Variants in NR3C1 observed in about 807,000 individuals in gnomAD.
The protein encoded by NR3C1 is glucocorticoid receptor.
In NR3C1, 14 loss-of-function variants were observed where a neutral mutation model predicts 74.0. The ratio of observed to expected loss-of-function variants is 0.19; its 90% CI spans 0.12 to 0.30. The LOEUF is 0.30. NR3C1 is among the 10% of genes least tolerant of loss of function. The pLI is 1.00. For missense variants in NR3C1, 695 were observed against 909.8 expected (o/e 0.76, Z 3.04); for synonymous variants, 308 against 332.5 (o/e 0.93, Z 0.80).
rs1397993996 is a variant in NR3C1, at chr5:143,400,471, T to A, written c.369A>T (p.Glu123Asp). The A allele has an allele frequency of 2.5e-6, 4 of 1,614,220 alleles. No homozygotes were observed. In the South Asian group the frequency reaches 4.4e-5, roughly 18 times the overall value. Residue 123 changes from glutamate to aspartate, a missense_variant, in exon 2 of 9, where the codon GAA becomes GAT. This residue lies in a region of NR3C1 where 497 missense variants were observed against 489.5 expected (regional missense o/e 1.02). Transcript: ENST00000394464. ...ACCTATTGAGGTTTGCAATGCTTTCTTCCAAAAGCTTTAAGTCTGTTTCCC... is the reference window on the plus strand; with the variant it reads ...ACCTATTGAGGTTTGCAATGCTTTCATCCAAAAGCTTTAAGTCTGTTTCCC... The part of the protein sequence containing the change: ...SSGETDLKLL[E>D]ESIANLNRST...
chr5:143,316,525 C>T (rs937622873), intron 2 of NR3C1, among the ~76,000 whole-genome samples: 7 of 152,130 alleles, frequency 4.6e-5, no homozygotes, highest in Admixed American at 4.6e-4. Flanking sequence ...CATCATCACC[C>T]CTGGATGCGG....
chr5:143,330,216 A>G (rs1405612367), intron 2 of NR3C1, among the ~76,000 whole-genome samples: 2 of 152,208 alleles, frequency 1.3e-5, no homozygotes, highest in Non-Finnish European at 2.9e-5. Flanking sequence ...ATTTAAAGCA[A>G]GTGATGATGT....
intron 3 of NR3C1, 58 bp from the exon 4 acceptor site, chr5:143,310,271 G>C (rs1376712298): frequency 1.7e-6 from 2 of 1,200,002 alleles, no homozygotes; most frequent in East Asian, 4.7e-5. Context: ...TATTTTATAA[G>C]GACAGCCTCT....
Position 143,279,358 on chromosome 5 carries a change from T to C in NR3C1, c.*2531A>G, listed in dbSNP as rs906336864. On this transcript the variant is annotated 3_prime_UTR_variant, in exon 9 of 9. Transcript: ENST00000394464. Reference sequence around the variant, plus strand: ...TTTTTGAGCGCCAAGATTGTTGGGATGAAAATCAGATTAATGTGTGAGATG... The same window carrying C: ...TTTTTGAGCGCCAAGATTGTTGGGACGAAAATCAGATTAATGTGTGAGATG... 1 of 1,552,126 alleles carries C rather than the reference T, an allele frequency of 6.4e-7. No individual in the cohort carries two copies. Among genetic ancestry groups the C allele is most frequent in the African/African-American group, 1.4e-5 (1 of 73,108 alleles).
Position 143,303,772 on chromosome 5 carries a change from G to T in NR3C1, c.1469-3009C>A, listed in dbSNP as rs185357066. On this transcript the variant is annotated intron_variant, in intron 4 of 8. Transcript: ENST00000394464. ...GCTTTATTTCTGGGATGCAAGGCTC[G>T]TTCAACATATGCAAATCAATAAATG... Among the ~76,000 whole-genome samples, 13 of 152,054 alleles carry T rather than the reference G, an allele frequency of 8.5e-5. No individual in the cohort carries two copies. In the East Asian group the frequency reaches 2.5e-3, roughly 29 times the overall value.
At chr5:143,375,327 G>A (rs531512634) in intron 2 of NR3C1, among the ~76,000 whole-genome samples, 1 of 152,108 alleles carries the variant, frequency 6.6e-6, no homozygotes, top group East Asian at 1.9e-4. Flanking sequence ...ATAGCCAAGG[G>A]GAAAATATAT....
At chr5:143,299,785 T>C (rs1818118847) in intron 5 of NR3C1, among the ~76,000 whole-genome samples, 1 of 152,216 alleles carries the variant, frequency 6.6e-6, no homozygotes, top group Non-Finnish European at 1.5e-5. Flanking sequence ...TGGCTTGAGG[T>C]ATTAATCAAT....
In NR3C1 at chr5:143,369,114, T is replaced by C. The variant is rs138529373; in HGVS notation, c.1184+30542A>G. 2.6e-3 allele frequency among the ~76,000 whole-genome samples: 400 copies of C among 152,316 alleles called. 2 individuals carry two copies. The highest frequency in any genetic ancestry group is 9.2e-3 in the African/African-American group (381 of 41,586). On this transcript the variant is annotated intron_variant, in intron 2 of 8. Coordinates refer to ENST00000394464, the MANE Select transcript of NR3C1 (RefSeq NM_000176.3). Reference sequence around the variant, plus strand: ...GGCCTCACATCTCAATACTGCCACATTGGGGATTATGTTCCAACATGAGTT... The same window carrying C: ...GGCCTCACATCTCAATACTGCCACACTGGGGATTATGTTCCAACATGAGTT...
At position 143,400,450 on chromosome 5, in the gene NR3C1, A is replaced by G. The variant is rs779929103; in HGVS notation, c.390T>C (p.Asn130=). ...KLLEESIANL[N]RSTSVPENPK... is the part of the protein sequence containing the mutation. ...GGTTCTCTGGAACACTGGTCGACCT[A>G]TTGAGGTTTGCAATGCTTTCTTCCA... Residue 130 remains asparagine, a synonymous_variant, in exon 2 of 9, where the codon AAT becomes AAC. Transcript: ENST00000394464. 6.2e-7 allele frequency: 1 copy of G among 1,614,148 alleles called. No individual in the cohort carries two copies. Among genetic ancestry groups the G allele is most frequent in the Non-Finnish European group, 8.5e-7 (1 of 1,180,014 alleles).
chr5:143,316,493 C>T (rs1445831031), intron 2 of NR3C1, among the ~76,000 whole-genome samples: 2 of 152,066 alleles, frequency 1.3e-5, no homozygotes, highest in Non-Finnish European at 2.9e-5. Context: ...AGTTTTAGCT[C>T]TCAATAACCC....
chr5:143,375,579 A>C (rs1312111092), intron 2 of NR3C1: 1 of 152,268 alleles, frequency 6.6e-6, no homozygotes, highest in Admixed American at 6.5e-5. Flanking sequence ...TGCTGCTCAC[A>C]TCTATTTTAC....
At chr5:143,325,684 T>A (rs777143493) in intron 2 of NR3C1, among the ~76,000 whole-genome samples, 1 of 152,218 alleles carries the variant, frequency 6.6e-6, no homozygotes, top group South Asian at 2.1e-4. Flanking sequence ...ACCATAGGTA[T>A]GTATGTATAG....
At chr5:143,399,561 A>C (rs1839850438) in intron 2 of NR3C1, 95 bp downstream of exon 2, 1 of 1,006,574 alleles carries the variant, frequency 9.9e-7, no homozygotes, top group Non-Finnish European at 1.5e-6. Context: ...AAGCACATGA[A>C]TCTTTAGAGA....
At chr5:143,368,571 ACAACT>A (rs1317578197) in intron 2 of NR3C1, among the ~76,000 whole-genome samples, 1 of 150,344 alleles carries the variant, frequency 6.7e-6, no homozygotes, top group African/African-American at 2.4e-5. Context: ...ACACACACCG[ACAACT>A]CAACAATAAA....
chr5:143,403,462 C>G lies in NR3C1; in HGVS notation c.-265G>C. 8 of 985,040 alleles carry G rather than the reference C, an allele frequency of 8.1e-6. No homozygotes were observed. The highest frequency in any genetic ancestry group is 9.6e-6 in the Non-Finnish European group (8 of 829,860). 61.0% of individuals were successfully genotyped at this position (985,040 alleles called of 1,614,324 possible). A position where few individuals can be genotyped will look rare whatever the true frequency, so the allele number is the denominator to read the frequency against. ...TCCGCGGGTCGAGGTTCCGGGCGCG[C>G]GTGCCCCGTCCCGGTCCCAGCTGCT... On this transcript the variant is annotated 5_prime_UTR_variant, in exon 1 of 9. Transcript: ENST00000394464.
intron 7 of NR3C1, among the ~76,000 whole-genome samples, chr5:143,285,233 G>A (rs373265437): frequency 5.3e-5 from 8 of 152,208 alleles, no homozygotes; most frequent in Admixed American, 2.0e-4. Flanking sequence ...TAAATATGCC[G>A]GGCATTCAGT....
chr5:143,311,901 G>A (rs1238542007), intron 3 of NR3C1, among the ~76,000 whole-genome samples: 1 of 151,378 alleles, frequency 6.6e-6, no homozygotes, highest in East Asian at 1.9e-4. Context: ...AAATTGCTGG[G>A]ATAATAGGTG....
chr5:143,403,594 G>A lies in NR3C1; in HGVS notation c.-397C>T. The A allele has an allele frequency of 2.0e-6, 2 of 986,408 alleles. No homozygotes were observed. The highest frequency in any genetic ancestry group is 2.4e-6 in the Non-Finnish European group (2 of 830,716). The allele number at this position is 986,408 out of a possible 1,614,324, so 61.1% of individuals were successfully genotyped here. ...AGACACGAGCTCGCAAAATGGAGGA[G>A]GCGGCGGCGGAGGGAAGAGAGCGCG... On this transcript the variant is annotated 5_prime_UTR_variant, in exon 1 of 9. Coordinates refer to ENST00000394464, the MANE Select transcript of NR3C1 (RefSeq NM_000176.3).
At chr5:143,294,151 T>C in intron 7 of NR3C1, 16 of 985,204 alleles carry the variant, frequency 1.6e-5, no homozygotes, top group Non-Finnish European at 1.9e-5. Flanking sequence ...GCTTTGGAAA[T>C]GTTTAAATAG....
Sources: allele counts gnomAD v4.1 joint callset (sites outside exome capture counted in the v4.1 genomes callset), GRCh38; gene constraint gnomAD v4.1.1; regional missense constraint gnomAD v4.1.1; transcripts MANE v1.5; gene names NCBI Gene and HGNC (gene_info 2026-07-23, HGNC 2026-07-21).